DGKB: variants seen among roughly 807,000 people sequenced by gnomAD.
DGKB encodes diacylglycerol kinase beta.
In DGKB, 67 loss-of-function variants were observed where a neutral mutation model predicts 114.3. That is an observed-to-expected ratio of 0.59 (90% CI 0.48 to 0.72). The LOEUF is 0.72. DGKB is among the 30% of genes least tolerant of loss of function. The pLI is 0.00. For missense variants in DGKB, 907 were observed against 975.2 expected (o/e 0.93, Z 0.93); for synonymous variants, 398 against 323.1 (o/e 1.23, Z -2.49).
intron 1 of DGKB, among the ~76,000 whole-genome samples, chr7:14,917,642 A>G (rs1265739062): frequency 6.6e-6 from 1 of 152,032 alleles, no homozygotes; most frequent in East Asian, 1.9e-4. Flanking sequence ...TTAACCTTTT[A>G]AAGCAGAAAC....
intron 23 of DGKB, among the ~76,000 whole-genome samples, chr7:14,218,327 A>T (rs1789337271): frequency 6.6e-6 from 1 of 152,158 alleles, no homozygotes; most frequent in Non-Finnish European, 1.5e-5. Flanking sequence ...ACAAGGTCAT[A>T]GTTTTAAAAG....
chr7:14,468,192 G>C (rs1434639582), intron 21 of DGKB, among the ~76,000 whole-genome samples: 1 of 152,044 alleles, frequency 6.6e-6, no homozygotes. Context: ...TCCAAATACA[G>C]ATCTATCGGC....
chr7:14,703,437 C>T (rs550430961), intron 6 of DGKB, among the ~76,000 whole-genome samples: 1 of 152,316 alleles, frequency 6.6e-6, no homozygotes, highest in Non-Finnish European at 1.5e-5. Context: ...TCTGAAACTT[C>T]TTCCTATTTT....
In DGKB at chr7:14,929,833, T is replaced by C. The variant is rs542192191; in HGVS notation, c.-188+44863A>G. ...CAGAAAAATTTTCCCTAAGTTTTCTTCTAGTATTATTGTAGTTTATGGTCT... is the reference window on the plus strand; with the variant it reads ...CAGAAAAATTTTCCCTAAGTTTTCTCCTAGTATTATTGTAGTTTATGGTCT... On this transcript the variant is annotated intron_variant, in intron 1 of 4. Transcript: ENST00000437998. 5.1e-4 allele frequency among the ~76,000 whole-genome samples: 77 copies of C among 152,312 alleles called. 1 individual carries two copies. Among genetic ancestry groups the C allele is most frequent in the South Asian group, 6.2e-4 (3 of 4,826 alleles).
intron 5 of DGKB, among the ~76,000 whole-genome samples, chr7:14,719,897 C>T (rs932038508): frequency 1.3e-5 from 2 of 152,072 alleles, no homozygotes; most frequent in Non-Finnish European, 2.9e-5. Flanking sequence ...CTTACGTGAA[C>T]GCTGTGAGGT....
chr7:14,870,242 C>T (rs1233052448), intron 1 of DGKB, among the ~76,000 whole-genome samples: 3 of 152,166 alleles, frequency 2.0e-5, no homozygotes, highest in African/African-American at 4.8e-5. Context: ...ATAAAGTGCC[C>T]TCTCCACTCT....
chr7:14,183,198 A>G (rs1782895550), intron 23 of DGKB, among the ~76,000 whole-genome samples: 1 of 152,212 alleles, frequency 6.6e-6, no homozygotes, highest in African/African-American at 2.4e-5. Context: ...GACCAAGAAT[A>G]AACTTTTAAA....
chr7:14,680,787 A>T (rs1034616529), intron 12 of DGKB, among the ~76,000 whole-genome samples: 3 of 151,932 alleles, frequency 2.0e-5, no homozygotes, highest in African/African-American at 7.2e-5. Context: ...AGAAAATTCT[A>T]ACAGCTTTGA....
intron 21 of DGKB, among the ~76,000 whole-genome samples, chr7:14,389,391 T>C (rs1820957007): frequency 6.6e-6 from 1 of 152,174 alleles, no homozygotes; most frequent in South Asian, 2.1e-4. Context: ...TATTCAAGCT[T>C]GGTGAACTTG....
intron 23 of DGKB, among the ~76,000 whole-genome samples, chr7:14,212,430 A>ACTCTCATGTTTTGTGAT (rs1562634505): frequency 3.3e-5 from 2 of 61,354 alleles, no homozygotes; most frequent in Non-Finnish European, 7.8e-5. Flanking sequence ...GTTTTGTGAT[A>ACTCTCATGTTTTGTGAT]TTTACTCTCA....
intron 23 of DGKB, among the ~76,000 whole-genome samples, chr7:14,224,120 C>T (rs923657492): frequency 2.0e-5 from 3 of 151,612 alleles, no homozygotes; most frequent in Non-Finnish European, 4.4e-5. Flanking sequence ...AAATATTTCT[C>T]CTGCTTCCTC....
At chr7:14,564,630 T>G (rs1353065837) in intron 20 of DGKB, among the ~76,000 whole-genome samples, 1 of 152,172 alleles carries the variant, frequency 6.6e-6, no homozygotes, top group Non-Finnish European at 1.5e-5. Context: ...CTTGAAAATT[T>G]CTTATCTCTG....
intron 23 of DGKB, among the ~76,000 whole-genome samples, chr7:14,251,881 G>T (rs1377169120): frequency 6.6e-6 from 1 of 152,112 alleles, no homozygotes; most frequent in African/African-American, 2.4e-5. Context: ...GTCTTACAGA[G>T]ATTTCCTTTG....
At chr7:14,699,390 A>C (rs909586795) in intron 7 of DGKB, among the ~76,000 whole-genome samples, 1 of 152,068 alleles carries the variant, frequency 6.6e-6, no homozygotes, top group African/African-American at 2.4e-5. Flanking sequence ...TTTTTGGTGG[A>C]CTGTTACGTA....
At chr7:14,151,343 T>G (rs1166645937) in intron 25 of DGKB, among the ~76,000 whole-genome samples, 1 of 152,000 alleles carries the variant, frequency 6.6e-6, no homozygotes, top group Non-Finnish European at 1.5e-5. Context: ...AGTATCAATT[T>G]ATGACAAAGC....
chr7:14,909,472 G>A (rs1426638541), intron 1 of DGKB, among the ~76,000 whole-genome samples: 2 of 151,798 alleles, frequency 1.3e-5, no homozygotes, highest in African/African-American at 4.8e-5. Context: ...GTAGAGTGTT[G>A]TTAAGAAGCA....
At chr7:14,225,775 TTGTC>T (rs1407876091) in intron 23 of DGKB, among the ~76,000 whole-genome samples, 1 of 151,986 alleles carries the variant, frequency 6.6e-6, no homozygotes, top group Non-Finnish European at 1.5e-5. Flanking sequence ...ATTTTCTACT[TTGTC>T]TACCACACAA....
chr7:14,930,098 C>G (rs1007791148), intron 1 of DGKB, among the ~76,000 whole-genome samples: 1 of 152,050 alleles, frequency 6.6e-6, no homozygotes. Flanking sequence ...TTTTTTACAC[C>G]AGTACCATGC....
chr7:14,354,586 C>G (rs1214646023), intron 21 of DGKB, among the ~76,000 whole-genome samples: 2 of 151,974 alleles, frequency 1.3e-5, no homozygotes, highest in East Asian at 3.9e-4. Context: ...AAATTGAGAT[C>G]AAGTGCTATA....
Sources: allele counts gnomAD v4.1 joint callset (sites outside exome capture counted in the v4.1 genomes callset), GRCh38; gene constraint gnomAD v4.1.1; transcripts MANE v1.5; gene names NCBI Gene and HGNC (gene_info 2026-07-23, HGNC 2026-07-21).